The following MAGI2 variants were observed in gnomAD, a reference collection of about 807,000 sequenced individuals.
MAGI2 encodes the protein membrane-associated guanylate kinase, WW and PDZ domain-containing protein 2.
A neutral mutation model predicts 133.3 loss-of-function variants in MAGI2; 35 were observed. The observed-to-expected ratio is 0.26, with a 90% CI of 0.20 to 0.35. The LOEUF (loss-of-function observed/expected upper bound fraction) is 0.35, where lower values mean the gene tolerates loss of function less well. MAGI2 is among the 10% of genes least tolerant of loss of function. The pLI, the probability that MAGI2 is intolerant of heterozygous loss-of-function variation, is 1.00. For missense variants in MAGI2, 1,636 were observed against 1,863.4 expected, an observed-to-expected ratio of 0.88 and a Z score of 2.25; for synonymous variants, 729 against 710.6, an observed-to-expected ratio of 1.03 and a Z score of -0.41.
chr7:78,964,217 A>G (rs1355272898), intron 2 of MAGI2, among the ~76,000 whole-genome samples: 1 of 152,018 alleles, frequency 6.6e-6, no homozygotes, highest in African/African-American at 2.4e-5. Context: ...AATGATTTAA[A>G]TATAAATCCT....
At chr7:78,728,058 G>C (rs1391091401) in intron 2 of MAGI2, among the ~76,000 whole-genome samples, 2 of 152,124 alleles carry the variant, frequency 1.3e-5, no homozygotes, top group East Asian at 3.9e-4. Flanking sequence ...TGCCTAAGAA[G>C]GTAAAATTGA....
chr7:78,780,840 T>G (rs1047465190), intron 2 of MAGI2, among the ~76,000 whole-genome samples: 11 of 152,268 alleles, frequency 7.2e-5, no homozygotes, highest in African/African-American at 2.6e-4. Context: ...ATTCCTCACC[T>G]TCTAAAAGTG....
chr7:78,695,215 ACT>A (rs987595458), intron 2 of MAGI2, among the ~76,000 whole-genome samples: 8 of 152,052 alleles, frequency 5.3e-5, no homozygotes, highest in Non-Finnish European at 8.8e-5. Flanking sequence ...ACAGAGCGAG[ACT>A]CTGTCTCAAA....
chr7:78,358,755 C>A, intron 7 of MAGI2: 1 of 203,852 alleles, frequency 4.9e-6, no homozygotes, highest in Non-Finnish European at 9.9e-6. Flanking sequence ...AAGGAGAAGG[C>A]CAAGATGCAC....
At chr7:78,652,922 T>A (rs1220940241) in intron 2 of MAGI2, among the ~76,000 whole-genome samples, 5 of 151,556 alleles carry the variant, frequency 3.3e-5, no homozygotes, top group African/African-American at 1.2e-4. Flanking sequence ...TACAAAGAAC[T>A]TAAACAAATT....
At chr7:78,669,358 A>G (rs1057300140) in intron 2 of MAGI2, among the ~76,000 whole-genome samples, 1 of 152,074 alleles carries the variant, frequency 6.6e-6, no homozygotes, top group South Asian at 2.1e-4. Flanking sequence ...ACACTCTCCC[A>G]AGACTAAACC....
chr7:78,466,207 T>G (rs887083817), intron 6 of MAGI2, among the ~76,000 whole-genome samples: 6 of 152,202 alleles, frequency 3.9e-5, no homozygotes, highest in African/African-American at 1.4e-4. Flanking sequence ...TGAGCCCCTT[T>G]TCCGATCTGC....
At chr7:78,524,052 G>GAAAA (rs11434233) in intron 3 of MAGI2, among the ~76,000 whole-genome samples, 8 of 149,096 alleles carry the variant, frequency 5.4e-5, no homozygotes, top group African/African-American at 1.5e-4. Context: ...CATTTCTAGG[G>GAAAA]AAAAAAAAAA....
Position 79,242,947 on chromosome 7 carries a change from T to C in MAGI2, c.301+210073A>G, listed in dbSNP as rs986597493. On this transcript the variant is annotated intron_variant, in intron 1 of 21. Coordinates refer to ENST00000354212, the MANE Select transcript of MAGI2 (RefSeq NM_012301.4). ...TTAAAAAACAAGTGGCTAGGCACAG[T>C]GGCTCACATCTGTAATCCCAACACT... Among the ~76,000 whole-genome samples, 8 of 152,266 alleles carry C rather than the reference T, an allele frequency of 5.3e-5. No homozygotes were observed. In the South Asian group the frequency reaches 1.0e-3, roughly 20 times the overall value.
intron 18 of MAGI2, among the ~76,000 whole-genome samples, chr7:78,132,548 C>A (rs924387080): frequency 6.6e-6 from 1 of 152,226 alleles, no homozygotes; most frequent in Non-Finnish European, 1.5e-5. Context: ...GCATTTCCAT[C>A]GTGCATACTG....
At chr7:78,606,211 GT>G (rs1563233121) in intron 3 of MAGI2, among the ~76,000 whole-genome samples, 1 of 152,006 alleles carries the variant, frequency 6.6e-6, no homozygotes, top group Admixed American at 6.6e-5. Flanking sequence ...ATTTTAGTTT[GT>G]TTTTTTAAAA....
intron 1 of MAGI2, among the ~76,000 whole-genome samples, chr7:79,192,210 C>T (rs1392669269): frequency 1.3e-5 from 2 of 151,794 alleles, no homozygotes; most frequent in African/African-American, 4.8e-5. Context: ...TACCTTTCAG[C>T]AAGTTTATTT....
At chr7:78,412,638 C>G (rs116645027) in intron 6 of MAGI2, among the ~76,000 whole-genome samples, 2 of 152,122 alleles carry the variant, frequency 1.3e-5, no homozygotes, top group East Asian at 1.9e-4. Flanking sequence ...CACTGTTTCT[C>G]TCACTGGGTT....
At chr7:78,811,325 A>G (rs564736418) in intron 2 of MAGI2, among the ~76,000 whole-genome samples, 1 of 152,168 alleles carries the variant, frequency 6.6e-6, no homozygotes, top group East Asian at 1.9e-4. Flanking sequence ...AGAGGACCTA[A>G]GAAGATGCTG....
chr7:78,388,891 A>G (rs963539809), intron 6 of MAGI2, among the ~76,000 whole-genome samples: 1 of 152,222 alleles, frequency 6.6e-6, no homozygotes, highest in African/African-American at 2.4e-5. Flanking sequence ...TGAAATAACA[A>G]CTATAATTAA....
intron 1 of MAGI2, among the ~76,000 whole-genome samples, chr7:79,328,637 A>G (rs772579975): frequency 2.0e-5 from 3 of 152,194 alleles, no homozygotes; most frequent in African/African-American, 4.8e-5. Flanking sequence ...CTACTGCATA[A>G]TAAGTGCTCA....
At chr7:78,602,877 G>C (rs1390906563) in intron 3 of MAGI2, among the ~76,000 whole-genome samples, 1 of 152,174 alleles carries the variant, frequency 6.6e-6, no homozygotes, top group Non-Finnish European at 1.5e-5. Context: ...CATAGACTTT[G>C]TTTATAAGAT....
At chr7:78,453,907 T>C (rs1268542654) in intron 6 of MAGI2, among the ~76,000 whole-genome samples, 1 of 152,192 alleles carries the variant, frequency 6.6e-6, no homozygotes, top group Non-Finnish European at 1.5e-5. Flanking sequence ...TCCGTTTTTA[T>C]TGGTATATAA....
intron 21 of MAGI2, among the ~76,000 whole-genome samples, chr7:78,058,077 T>C (rs1812832439): frequency 6.7e-6 from 1 of 150,362 alleles, no homozygotes; most frequent in South Asian, 2.1e-4. Flanking sequence ...GTAGTGAATT[T>C]TCATAAGGAA....
Sources: gnomAD v4.1 joint callset for allele counts (sites outside exome capture counted in the v4.1 genomes callset) on GRCh38, gnomAD v4.1.1 for gene constraint, MANE v1.5 for transcripts, NCBI Gene and HGNC (gene_info 2026-07-23, HGNC 2026-07-21) for gene names.